FAT3: variants seen among roughly 807,000 people sequenced by gnomAD.
The protein encoded by FAT3 is FAT atypical cadherin 3.
In FAT3, 95 loss-of-function variants were observed where a neutral mutation model predicts 310.2. The observed-to-expected ratio is 0.31, with a 90% CI of 0.26 to 0.36. The LOEUF (loss-of-function observed/expected upper bound fraction) is 0.36, where lower values mean the gene tolerates loss of function less well. Among genes scored for constraint, FAT3 ranks in the 10% least tolerant of loss-of-function variants. FAT3 has a pLI of 1.00. For missense variants in FAT3, 5,408 were observed against 5,715.6 expected (o/e 0.95, Z 1.74); for synonymous variants, 2,314 against 2,192.9 (o/e 1.06, Z -1.54).
chr11:92,705,450 ATGGTGGTGTGATGG>A (rs1944261107), intron 4 of FAT3, among the ~76,000 whole-genome samples: 8 of 48,146 alleles, frequency 1.7e-4, no homozygotes, highest in Non-Finnish European at 2.8e-4. Context: ...TGGTGGTGTG[ATGGTGGTGTGATGG>A]TGGTGGTGGT....
intron 1 of FAT3, among the ~76,000 whole-genome samples, chr11:92,329,397 T>A (rs779772810): frequency 2.0e-5 from 3 of 152,024 alleles, no homozygotes; most frequent in Non-Finnish European, 4.4e-5. Flanking sequence ...TGCCACGTGA[T>A]CTCTGCACAT....
intron 2 of FAT3, among the ~76,000 whole-genome samples, chr11:92,453,901 GT>G (rs1951429484): frequency 6.6e-6 from 1 of 152,036 alleles, no homozygotes; most frequent in African/African-American, 2.4e-5. Context: ...ACATATGTAA[GT>G]TTTTTCAAGG....
At chr11:92,473,652 T>C (rs12785470) in intron 2 of FAT3, among the ~76,000 whole-genome samples, 1,981 of 152,258 alleles carry the variant, frequency 0.013, 27 homozygotes, top group Non-Finnish European at 0.02. Context: ...GACATTTGCT[T>C]TCTCTGCTTT....
chr11:92,834,671 A>G (rs1398470263), intron 14 of FAT3, among the ~76,000 whole-genome samples, 199 bp from the exon 15 acceptor site: 1 of 152,198 alleles, frequency 6.6e-6, no homozygotes, highest in Non-Finnish European at 1.5e-5. Flanking sequence ...CTTCAGTGTT[A>G]TGTTTGATGG....
At chr11:92,477,712 C>A (rs1952085180) in intron 2 of FAT3, among the ~76,000 whole-genome samples, 1 of 152,126 alleles carries the variant, frequency 6.6e-6, no homozygotes, top group Non-Finnish European at 1.5e-5. Context: ...ACAGCTGGTA[C>A]CTGACCCTAG....
intron 3 of FAT3, among the ~76,000 whole-genome samples, chr11:92,578,852 T>C (rs1938630887): frequency 1.3e-5 from 2 of 152,058 alleles, no homozygotes; most frequent in Non-Finnish European, 2.9e-5. Flanking sequence ...AATAACATTT[T>C]CCCCCATGAT....
chr11:92,742,647 T>C (rs1166497288), intron 4 of FAT3, among the ~76,000 whole-genome samples: 1 of 152,202 alleles, frequency 6.6e-6, no homozygotes, highest in Non-Finnish European at 1.5e-5. Flanking sequence ...CTATGCCTTC[T>C]TCCTCTCTTG....
chr11:92,383,848 T>A (rs1018858462), intron 2 of FAT3, among the ~76,000 whole-genome samples: 1 of 150,598 alleles, frequency 6.6e-6, no homozygotes, highest in Non-Finnish European at 1.5e-5. Context: ...TTAAAAAGAG[T>A]GAGAGAGAGA....
At chr11:92,886,819 C>T (rs2136430351) in intron 24 of FAT3, 181 bp from the exon 25 acceptor site, 1 of 588,026 alleles carries the variant, frequency 1.7e-6, no homozygotes, top group African/African-American at 1.9e-5. Context: ...ATGTAAATCA[C>T]TTGATTGACA....
At chr11:92,520,517 G>A (rs1953646696) in intron 2 of FAT3, among the ~76,000 whole-genome samples, 1 of 152,044 alleles carries the variant, frequency 6.6e-6, no homozygotes, top group Non-Finnish European at 1.5e-5. Context: ...AATAAAGAAT[G>A]CATTGTGGTT....
intron 2 of FAT3, among the ~76,000 whole-genome samples, chr11:92,459,078 C>T (rs1167519841): frequency 6.6e-6 from 1 of 152,226 alleles, no homozygotes; most frequent in Non-Finnish European, 1.5e-5. Context: ...TTTACCCCTA[C>T]TGCATCATGG....
chr11:92,861,345 T>G (rs1565658003), intron 21 of FAT3, among the ~76,000 whole-genome samples: 1 of 152,212 alleles, frequency 6.6e-6, no homozygotes, highest in Non-Finnish European at 1.5e-5. Flanking sequence ...CTGAATGGCT[T>G]GATCCTAAAA....
In FAT3 at chr11:92,512,512, T is replaced by A. The variant is rs547510731; in HGVS notation, c.3293-12122T>A. Among the ~76,000 whole-genome samples, 159 of 146,814 alleles carry A rather than the reference T, an allele frequency of 1.1e-3. 3 individuals are homozygous for A. The highest frequency in any genetic ancestry group is 4.5e-3 in the East Asian group (23 of 5,112). The stretch of plus-strand genomic sequence containing the variant: ...CCCTGTTTTATATCTCAAAAAAAAA[T>A]ATATATAAATATATATAAATTATAT... On this transcript the variant is annotated intron_variant, in intron 2 of 27. Transcript: ENST00000525166.
intron 2 of FAT3, among the ~76,000 whole-genome samples, chr11:92,418,696 G>A (rs374419900): frequency 2.0e-5 from 3 of 152,010 alleles, no homozygotes; most frequent in African/African-American, 4.8e-5. Flanking sequence ...ATACCTGTGC[G>A]TGCTCATTTC....
At chr11:92,451,228 C>G (rs1951345407) in intron 2 of FAT3, among the ~76,000 whole-genome samples, 2 of 152,100 alleles carry the variant, frequency 1.3e-5, no homozygotes. Flanking sequence ...AGAAGGGTTT[C>G]TGATTTATGG....
intron 2 of FAT3, among the ~76,000 whole-genome samples, chr11:92,482,280 T>A (rs1468894730): frequency 6.6e-6 from 1 of 152,168 alleles, no homozygotes; most frequent in Admixed American, 6.5e-5. Flanking sequence ...CTTCTGTGAA[T>A]TAAAATTCTT....
chr11:92,826,568 A>G (rs1304294372), intron 13 of FAT3, among the ~76,000 whole-genome samples: 2 of 152,212 alleles, frequency 1.3e-5, no homozygotes, highest in Non-Finnish European at 2.9e-5. Context: ...TGAGGTAGAG[A>G]CTTAAAATGT....
chr11:92,446,904 A>G (rs1232256059), intron 2 of FAT3, among the ~76,000 whole-genome samples: 1 of 152,154 alleles, frequency 6.6e-6, no homozygotes, highest in Non-Finnish European at 1.5e-5. Flanking sequence ...ATATCTGCAA[A>G]TAGTCATTTG....
intron 3 of FAT3, among the ~76,000 whole-genome samples, chr11:92,553,585 G>A (rs970032369): frequency 3.9e-5 from 6 of 152,152 alleles, no homozygotes; most frequent in Non-Finnish European, 8.8e-5. Context: ...AAGGAACCTG[G>A]GCCTTGGGCC....
Sources: allele counts gnomAD v4.1 joint callset (sites outside exome capture counted in the v4.1 genomes callset), GRCh38; gene constraint gnomAD v4.1.1; transcripts MANE v1.5; gene names NCBI Gene and HGNC (gene_info 2026-07-23, HGNC 2026-07-21).